Variants in CHRM2 observed in about 807,000 individuals in gnomAD.
The protein encoded by CHRM2 is muscarinic acetylcholine receptor M2.
Under a neutral mutation model 25.0 loss-of-function variants are expected in CHRM2, and 8 were observed. The observed-to-expected ratio is 0.32, with a 90% CI of 0.19 to 0.58. The LOEUF (loss-of-function observed/expected upper bound fraction) is 0.58. CHRM2 is among the 20% of genes least tolerant of loss of function. The pLI is 0.88. For synonymous variants in CHRM2, 202 were observed against 205.7 expected (o/e 0.98, Z 0.15); for missense variants, 440 against 567.1 (o/e 0.78, Z 2.28).
intron 2 of CHRM2, among the ~76,000 whole-genome samples, chr7:136,985,528 A>T (rs324629): frequency 7.0e-6 from 1 of 142,536 alleles, no homozygotes; most frequent in African/African-American, 2.6e-5. Flanking sequence ...AAAAAAAAAA[A>T]CAAAAACACC....
chr7:136,991,465 GCTCT>G (rs1023901651), intron 2 of CHRM2, among the ~76,000 whole-genome samples: 1 of 151,982 alleles, frequency 6.6e-6, no homozygotes, highest in African/African-American at 2.4e-5. Flanking sequence ...CTATTTCTGA[GCTCT>G]CTATTATGTT....
At position 137,019,674 on chromosome 7, in the gene CHRM2, A is replaced by T. The variant is rs1805338957; in HGVS notation, c.*3408A>T. 1 of 151,904 alleles carries T rather than the reference A, an allele frequency of 6.6e-6. No homozygotes were observed. Among genetic ancestry groups the T allele is most frequent in the Admixed American group, 6.6e-5 (1 of 15,200 alleles). 9.4% of individuals were successfully genotyped at this position (151,904 alleles called of 1,614,324 possible). On this transcript the variant is annotated 3_prime_UTR_variant, in exon 4 of 4. Transcript: ENST00000680005. ...GTCTGTTCATTTCTTCGAAACAAGA[A>T]ATGATTTTCCTTTTACCAGTTCATC...
At chr7:136,938,341 G>A in intron 2 of CHRM2, 14 of 1,550,268 alleles carry the variant, frequency 9.0e-6, no homozygotes, top group South Asian at 5.6e-5. Flanking sequence ...CCGAGTCGTC[G>A]TCTGCTGCTG....
intron 2 of CHRM2, among the ~76,000 whole-genome samples, chr7:136,936,979 C>T (rs1799448174): frequency 6.6e-6 from 1 of 152,132 alleles, no homozygotes; most frequent in Admixed American, 6.5e-5. Flanking sequence ...TAAGATCAAA[C>T]CATTTGTATC....
intron 2 of CHRM2, among the ~76,000 whole-genome samples, chr7:136,915,075 A>G (rs10250438): frequency 0.081 from 12,264 of 151,850 alleles, 665 homozygotes; most frequent in African/African-American, 0.15. Context: ...AGGAGTTAGC[A>G]TCATTAATGA....
chr7:137,003,190 G>A (rs1296357285), intron 3 of CHRM2, among the ~76,000 whole-genome samples: 1 of 152,088 alleles, frequency 6.6e-6, no homozygotes, highest in Non-Finnish European at 1.5e-5. Context: ...AAATCTCTTA[G>A]AAAGATATGC....
chr7:136,931,425 G>T (rs1799098553), intron 2 of CHRM2, among the ~76,000 whole-genome samples: 1 of 152,172 alleles, frequency 6.6e-6, no homozygotes, highest in Non-Finnish European at 1.5e-5. Context: ...GCTTAAGACA[G>T]CACATAGAAA....
chr7:136,982,139 G>A (rs1802530739), intron 2 of CHRM2, among the ~76,000 whole-genome samples: 1 of 152,152 alleles, frequency 6.6e-6, no homozygotes, highest in Admixed American at 6.5e-5. Flanking sequence ...TGTATTGGGT[G>A]TATATATATT....
In CHRM2 at chr7:136,974,040, C is replaced by A. The variant is rs538419453; in HGVS notation, c.-124-18147C>A. Among the ~76,000 whole-genome samples the A allele has an allele frequency of 2.0e-3, 309 of 151,998 alleles. 1 individual carries two copies. Among genetic ancestry groups the A allele is most frequent in the African/African-American group, 7.0e-3 (290 of 41,410 alleles). ...TCACTTACACTTTTTGCCTTGGCTGCGGTCTCATATTTTTTGTGTATTTCT... is the reference window on the plus strand; with the variant it reads ...TCACTTACACTTTTTGCCTTGGCTGAGGTCTCATATTTTTTGTGTATTTCT... On this transcript the variant is annotated intron_variant, in intron 2 of 3. Transcript: ENST00000680005.
At chr7:136,964,006 T>G (rs1801256919) in intron 2 of CHRM2, among the ~76,000 whole-genome samples, 1 of 152,172 alleles carries the variant, frequency 6.6e-6, no homozygotes, top group African/African-American at 2.4e-5. Flanking sequence ...ATTTAGTCAC[T>G]GATGAAATCA....
At position 136,896,979 on chromosome 7, in the gene CHRM2, T is replaced by C. The variant is rs535554643; in HGVS notation, c.-125+27561T>C. 2.2e-3 allele frequency among the ~76,000 whole-genome samples: 332 copies of C among 151,678 alleles called. 2 individuals carry two copies. Among genetic ancestry groups the C allele is most frequent in the African/African-American group, 7.6e-3 (314 of 41,364 alleles). ...AAGAGGGAAGACTGAAAAGAAGGAG[T>C]CACGGTGAGTAACTGAGGTACAAGG... is the stretch of plus-strand genomic sequence containing the variant. On this transcript the variant is annotated intron_variant, in intron 2 of 3. Coordinates refer to ENST00000680005, the MANE Select transcript of CHRM2 (RefSeq NM_001006630.2).
At chr7:136,926,851 A>G (rs1798777202) in intron 2 of CHRM2, among the ~76,000 whole-genome samples, 1 of 152,180 alleles carries the variant, frequency 6.6e-6, no homozygotes, top group Admixed American at 6.5e-5. Context: ...GACATAATTG[A>G]TGAAATTCTA....
chr7:136,925,110 A>T (rs780701642), intron 2 of CHRM2, among the ~76,000 whole-genome samples: 1 of 152,208 alleles, frequency 6.6e-6, no homozygotes, highest in East Asian at 1.9e-4. Context: ...TGTCCCACTT[A>T]AAATGCAACA....
At chr7:136,872,847 G>A (rs778876112) in intron 2 of CHRM2, among the ~76,000 whole-genome samples, 22 of 152,158 alleles carry the variant, frequency 1.4e-4, no homozygotes, top group Non-Finnish European at 2.6e-4. Flanking sequence ...ATCAATAATC[G>A]TGCTGGATTC....
At chr7:136,960,825 A>G (rs930656930) in intron 2 of CHRM2, among the ~76,000 whole-genome samples, 5 of 152,136 alleles carry the variant, frequency 3.3e-5, no homozygotes, top group Non-Finnish European at 5.9e-5. Flanking sequence ...TGTGATGGAT[A>G]TGAAAGCCAT....
chr7:136,963,575 G>A (rs1251427035), intron 2 of CHRM2, among the ~76,000 whole-genome samples: 4 of 152,182 alleles, frequency 2.6e-5, no homozygotes, highest in Non-Finnish European at 4.4e-5. Flanking sequence ...TGAAATTAAT[G>A]TTGGAAATTA....
chr7:136,878,398 G>A (rs779231628), intron 2 of CHRM2, among the ~76,000 whole-genome samples: 6 of 151,896 alleles, frequency 4.0e-5, no homozygotes, highest in Non-Finnish European at 5.9e-5. Context: ...GAAGGCAGGA[G>A]GAAGGGTAGA....
intron 2 of CHRM2, among the ~76,000 whole-genome samples, chr7:136,930,553 A>G (rs568973258): frequency 1.3e-5 from 2 of 151,646 alleles, no homozygotes; most frequent in Admixed American, 6.6e-5. Context: ...TTGCTGATAT[A>G]TTAATTCTGC....
chr7:136,997,459 G>A (rs1803681291), intron 3 of CHRM2, among the ~76,000 whole-genome samples: 1 of 152,062 alleles, frequency 6.6e-6, no homozygotes, highest in Admixed American at 6.6e-5. Flanking sequence ...TTCTCTAAAT[G>A]TTCTAATTTG....
Sources: allele counts gnomAD v4.1 joint callset (sites outside exome capture counted in the v4.1 genomes callset), GRCh38; gene constraint gnomAD v4.1.1; transcripts MANE v1.5; gene names NCBI Gene and HGNC (gene_info 2026-07-23, HGNC 2026-07-21).